The following USP37 variants were observed in gnomAD, a reference collection of about 807,000 sequenced individuals.
The protein encoded by USP37 is ubiquitin specific peptidase 37.
A neutral mutation model predicts 124.0 loss-of-function variants in USP37; 27 were observed. The observed-to-expected ratio is 0.22, with a 90% CI of 0.16 to 0.30. The LOEUF (loss-of-function observed/expected upper bound fraction) is 0.30. USP37 is among the 10% of genes least tolerant of loss of function. The probability of loss-of-function intolerance (pLI) is 1.00; values close to 1 mark genes in which losing one functional copy is unlikely to be tolerated. For missense variants in USP37, 889 were observed against 1,140.4 expected, an observed-to-expected ratio of 0.78 and a Z score of 3.17; for synonymous variants, 365 against 388.0, an observed-to-expected ratio of 0.94 and a Z score of 0.70.
At chr2:218,513,048 TTAAC>T (rs1330165408) in intron 10 of USP37, among the ~76,000 whole-genome samples, 20 of 152,208 alleles carry the variant, frequency 1.3e-4, no homozygotes, top group Admixed American at 3.3e-4. Flanking sequence ...TTTAGAATGT[TTAAC>T]TATTTATTTC....
chr2:218,539,549 T>C (rs1403648027), intron 8 of USP37, among the ~76,000 whole-genome samples: 1 of 151,338 alleles, frequency 6.6e-6, no homozygotes, highest in East Asian at 2.0e-4. Flanking sequence ...ACCCCGTCTC[T>C]ACAAAAAATA....
At chr2:218,498,616 T>C (rs1279765616) in intron 11 of USP37, among the ~76,000 whole-genome samples, 1 of 152,058 alleles carries the variant, frequency 6.6e-6, no homozygotes, top group Non-Finnish European at 1.5e-5. Context: ...TAATCGCAGC[T>C]ACTTGCAGGC....
intron 23 of USP37, 46 bp downstream of exon 23, chr2:218,459,744 G>A (rs759863464): frequency 3.1e-5 from 47 of 1,532,522 alleles, no homozygotes; most frequent in Non-Finnish European, 3.9e-5. Context: ...AGTGGGAAGA[G>A]TGACACTGAA....
intron 14 of USP37, among the ~76,000 whole-genome samples, chr2:218,493,131 C>T (rs1688884938): frequency 6.6e-6 from 1 of 151,984 alleles, no homozygotes; most frequent in Admixed American, 6.6e-5. Context: ...AGTACATTTG[C>T]CAAACTGGCC....
At chr2:218,466,585 C>T (rs544120456) in intron 20 of USP37, among the ~76,000 whole-genome samples, 1 of 152,196 alleles carries the variant, frequency 6.6e-6, no homozygotes, top group Admixed American at 6.6e-5. Flanking sequence ...GTTAATTAAT[C>T]ATCAGAAACA....
chr2:218,557,383 C>T (rs988019059), intron 4 of USP37, among the ~76,000 whole-genome samples: 1 of 151,932 alleles, frequency 6.6e-6, no homozygotes, highest in Non-Finnish European at 1.5e-5. Flanking sequence ...TGCAAAAAAC[C>T]CTTTCTTTTG....
intron 6 of USP37, among the ~76,000 whole-genome samples, chr2:218,547,887 A>C (rs1223115986): frequency 1.3e-5 from 2 of 152,228 alleles, no homozygotes; most frequent in African/African-American, 4.8e-5. Flanking sequence ...TGGCAATGTA[A>C]GCATTAGCTG....
At chr2:218,483,330 T>C (rs930608020) in intron 16 of USP37, among the ~76,000 whole-genome samples, 4 of 152,112 alleles carry the variant, frequency 2.6e-5, no homozygotes, top group Admixed American at 6.6e-5. Flanking sequence ...AGGAAAATGA[T>C]AGTCAAAATC....
chr2:218,543,433 C>T (rs749724855), intron 8 of USP37, among the ~76,000 whole-genome samples: 7 of 128,478 alleles, frequency 5.4e-5, no homozygotes, highest in South Asian at 5.4e-4. Flanking sequence ...ACCCAGGAGG[C>T]GGAGATTGCA....
chr2:218,529,821 A>G (rs1171098677), intron 10 of USP37, 135 bp downstream of exon 10: 1 of 636,316 alleles, frequency 1.6e-6, no homozygotes, highest in Non-Finnish European at 2.6e-6. Context: ...ACATGTCAGG[A>G]TTCTATGAGT....
At chr2:218,542,758 A>C (rs1328817283) in intron 8 of USP37, among the ~76,000 whole-genome samples, 2 of 152,142 alleles carry the variant, frequency 1.3e-5, no homozygotes, top group Non-Finnish European at 2.9e-5. Flanking sequence ...ACTTAACTTA[A>C]AGCCTGTCTT....
intron 9 of USP37, among the ~76,000 whole-genome samples, 175 bp from the exon 10 acceptor site, chr2:218,530,215 G>T (rs543509898): frequency 4.6e-5 from 7 of 152,140 alleles, no homozygotes; most frequent in Admixed American, 2.6e-4. Context: ...AGATATTGCA[G>T]GTTTTTTTGT....
At chr2:218,477,371 A>C (rs1004336806) in intron 18 of USP37, among the ~76,000 whole-genome samples, 2 of 152,246 alleles carry the variant, frequency 1.3e-5, no homozygotes, top group Non-Finnish European at 2.9e-5. Flanking sequence ...TGATCCATGC[A>C]CTTTAAAAAT....
intron 9 of USP37, among the ~76,000 whole-genome samples, chr2:218,531,210 T>C (rs775120708): frequency 2.7e-4 from 41 of 152,160 alleles, no homozygotes; most frequent in Non-Finnish European, 5.3e-4. Context: ...ACAGGCTGAC[T>C]CTCTTGCTAG....
chr2:218,507,564 T>C (rs939815155), intron 11 of USP37, among the ~76,000 whole-genome samples: 13 of 152,214 alleles, frequency 8.5e-5, no homozygotes, highest in African/African-American at 3.1e-4. Context: ...TTCTGTTTTT[T>C]TCTTATAGTC....
At chr2:218,496,805 C>T (rs1390204578) in intron 13 of USP37, among the ~76,000 whole-genome samples, 2 of 152,082 alleles carry the variant, frequency 1.3e-5, no homozygotes, top group South Asian at 2.1e-4. Flanking sequence ...TGCGACATCA[C>T]GCCTGGCTAA....
chr2:218,454,732 A>G lies in USP37; in HGVS notation c.*198T>C. On this transcript the variant is annotated 3_prime_UTR_variant, in exon 26 of 26. Transcript: ENST00000258399. Reference sequence around the variant, plus strand: ...TAGGAGAAAAAGAGGATAATCAGCTACGGATGTGAGACCAAAGTTTCCATA... The same window carrying G: ...TAGGAGAAAAAGAGGATAATCAGCTGCGGATGTGAGACCAAAGTTTCCATA... 1.9e-6 allele frequency: 2 copies of G among 1,069,264 alleles called. No individual in the cohort carries two copies. The highest frequency in any genetic ancestry group is 2.6e-6 in the Non-Finnish European group (2 of 779,874). The allele number at this position is 1,069,264 out of a possible 1,614,324, so 66.2% of individuals were successfully genotyped here.
At chr2:218,530,618 C>G (rs1405869603) in intron 9 of USP37, among the ~76,000 whole-genome samples, 1 of 152,140 alleles carries the variant, frequency 6.6e-6, no homozygotes, top group African/African-American at 2.4e-5. Context: ...AGAAGAGATG[C>G]ACATCTCCTT....
At chr2:218,455,468 ATTTTCAACCAATCAAC>A in intron 25 of USP37, 96 bp downstream of exon 25, 3 of 1,456,996 alleles carry the variant, frequency 2.1e-6, no homozygotes, top group East Asian at 2.3e-5. Context: ...AAAACCAAAA[ATTTTCAACCAATCAAC>A]TGATGGAAAC....
Sources: allele counts gnomAD v4.1 joint callset (sites outside exome capture counted in the v4.1 genomes callset), GRCh38; gene constraint gnomAD v4.1.1; transcripts MANE v1.5; gene names NCBI Gene and HGNC (gene_info 2026-07-23, HGNC 2026-07-21).